PCYT1B: variants seen among roughly 807,000 people sequenced by gnomAD.
PCYT1B encodes the protein phosphate cytidylyltransferase 1B, choline, also known as choline-phosphate cytidylyltransferase B.
In PCYT1B, 10 loss-of-function variants were observed where a neutral mutation model predicts 26.4. The ratio of observed to expected loss-of-function variants is 0.38; its 90% CI spans 0.23 to 0.64. PCYT1B has a LOEUF of 0.64. PCYT1B is among the 30% of genes least tolerant of loss of function. PCYT1B has a pLI of 0.56. For synonymous variants in PCYT1B, 131 were observed against 108.4 expected (o/e 1.21, Z -1.29); for missense variants, 161 against 292.7 (o/e 0.55, Z 3.28).
intron 1 of PCYT1B, among the ~76,000 whole-genome samples, chrX:24,658,812 A>G: frequency 8.9e-6 from 1 of 112,139 alleles, no homozygotes; most frequent in Non-Finnish European, 1.9e-5. Context: ...CAATGTAGAC[A>G]TCTTTGGGAG....
At chrX:24,581,123 C>T (rs1446597347) in intron 5 of PCYT1B, among the ~76,000 whole-genome samples, 2 of 112,128 alleles carry the variant, frequency 1.8e-5, no homozygotes, top group Non-Finnish European at 3.8e-5. Context: ...TCTGCCTCAA[C>T]CCAGAGAGCA....
At chrX:24,671,720 A>G (rs1305927335) in intron 1 of PCYT1B, among the ~76,000 whole-genome samples, 1 of 111,191 alleles carries the variant, frequency 9.0e-6, no homozygotes, top group Non-Finnish European at 1.9e-5. Flanking sequence ...CGTTGTTGGG[A>G]AGCTGCCTCT....
At chrX:24,599,117 C>G (rs985305251) in intron 3 of PCYT1B, among the ~76,000 whole-genome samples, 3 of 111,266 alleles carry the variant, frequency 2.7e-5, no homozygotes, top group Non-Finnish European at 5.7e-5. Context: ...TTTAATAACT[C>G]TTGATATAGC....
rs1229407059 is a variant in PCYT1B, at chrX:24,579,213, G to A, written c.708+103C>T. On this transcript the variant is annotated intron_variant, in intron 6 of 7. Coordinates refer to ENST00000379144, the MANE Select transcript of PCYT1B (RefSeq NM_004845.5). Reference sequence around the variant, plus strand: ...AAAAAAAAAAAAAGAGAGAGAGAGAGGGAGAACACTGCATAGCACTTAGTA... The same window carrying A: ...AAAAAAAAAAAAAGAGAGAGAGAGAAGGAGAACACTGCATAGCACTTAGTA... 5 of 728,443 alleles carry A rather than the reference G, an allele frequency of 6.9e-6. No homozygotes were observed. The Admixed American group carries it at 1.5e-4, about 22-fold the overall frequency. The allele number at this position is 728,443 out of a possible 1,213,427, so 60.0% of individuals were successfully genotyped here. A position where few individuals can be genotyped will look rare whatever the true frequency, so the allele number is the denominator to read the frequency against.
At chrX:24,670,117 G>GAAAGAAAGAAAGAAAGAAAGA (rs1569261924) in intron 1 of PCYT1B, among the ~76,000 whole-genome samples, 1 of 74,697 alleles carries the variant, frequency 1.3e-5, no homozygotes, top group African/African-American at 4.7e-5. Flanking sequence ...AGAAAGAAAG[G>GAAAGAAAGAAAGAAAGAAAGA]AAGGAAGGAA....
intron 1 of PCYT1B, among the ~76,000 whole-genome samples, chrX:24,642,641 C>T (rs1926501713): frequency 8.9e-6 from 1 of 111,976 alleles, no homozygotes; most frequent in Middle Eastern, 4.6e-3. Context: ...TGGATAGAGA[C>T]CAGCAGGAAG....
intron 1 of PCYT1B, among the ~76,000 whole-genome samples, chrX:24,644,979 G>A (rs1208639120): frequency 5.4e-5 from 6 of 110,110 alleles, no homozygotes; most frequent in Non-Finnish European, 9.5e-5. Flanking sequence ...CAGGAGAATC[G>A]CTTGAACCTG....
chrX:24,586,298 C>A (rs773320795), intron 5 of PCYT1B, among the ~76,000 whole-genome samples: 35 of 112,754 alleles, frequency 3.1e-4, no homozygotes, highest in Non-Finnish European at 3.9e-4. Flanking sequence ...AGTTCTCCAT[C>A]ATGGGGAATG....
intron 3 of PCYT1B, among the ~76,000 whole-genome samples, chrX:24,591,098 ATC>A (rs757756916): frequency 6.6e-4 from 74 of 111,439 alleles, no homozygotes; most frequent in East Asian, 2.6e-3. Context: ...CGGCCTCCAC[ATC>A]TCTTATATTT....
At chrX:24,591,014 C>T (rs370646749) in intron 3 of PCYT1B, among the ~76,000 whole-genome samples, 15 of 109,679 alleles carry the variant, frequency 1.4e-4, no homozygotes, top group African/African-American at 4.6e-4. Context: ...AGTATGGTCT[C>T]GATCTCCTGA....
At chrX:24,565,418 T>C (rs761913639) in intron 7 of PCYT1B, among the ~76,000 whole-genome samples, 1 of 110,946 alleles carries the variant, frequency 9.0e-6, no homozygotes, top group South Asian at 3.9e-4. Flanking sequence ...GAAGAGGTGG[T>C]CATGTCTCAG....
chrX:24,654,617 G>A (rs1416546634), intron 1 of PCYT1B, among the ~76,000 whole-genome samples: 1 of 105,226 alleles, frequency 9.5e-6, no homozygotes, highest in African/African-American at 3.4e-5. Flanking sequence ...GCCAGGCATG[G>A]TAGCATGTAC....
At chrX:24,579,272 G>T in intron 6 of PCYT1B, 44 bp downstream of exon 6, 1 of 1,177,446 alleles carries the variant, frequency 8.5e-7, no homozygotes, top group Non-Finnish European at 1.2e-6. Context: ...GGTGGTGGTG[G>T]TGTGGCATGG....
intron 1 of PCYT1B, among the ~76,000 whole-genome samples, chrX:24,633,052 A>C (rs939230168): frequency 9.2e-6 from 1 of 108,390 alleles, no homozygotes; most frequent in African/African-American, 3.4e-5. Context: ...TCTACTAAAA[A>C]TACAAAAATG....
chrX:24,651,472 A>AAAAATATAT (rs1555965467), upstream of PCYT1B, among the ~76,000 whole-genome samples: 2 of 26,059 alleles, frequency 7.7e-5, no homozygotes, highest in Non-Finnish European at 1.2e-4. Context: ...AAAAAAAAAA[A>AAAAATATAT]ATATATATAT....
chrX:24,609,502 G>A (rs1330740965), intron 2 of PCYT1B, among the ~76,000 whole-genome samples: 1 of 112,250 alleles, frequency 8.9e-6, no homozygotes, highest in Non-Finnish European at 1.9e-5. Flanking sequence ...GTTAAATATG[G>A]TGAACTGAAC....
At chrX:24,649,751 T>C (rs1479872461), upstream of PCYT1B, among the ~76,000 whole-genome samples, 2 of 111,939 alleles carry the variant, frequency 1.8e-5, no homozygotes, top group Non-Finnish European at 1.9e-5. Flanking sequence ...CCCTGTCCCA[T>C]TGAACCAAGA....
At chrX:24,585,335 C>T (rs960199588) in intron 5 of PCYT1B, among the ~76,000 whole-genome samples, 2 of 111,838 alleles carry the variant, frequency 1.8e-5, no homozygotes, top group South Asian at 7.6e-4. Context: ...TCAGACAGGG[C>T]CTGACATGGC....
At chrX:24,612,986 C>T (rs1166139932) in intron 2 of PCYT1B, among the ~76,000 whole-genome samples, 1 of 112,157 alleles carries the variant, frequency 8.9e-6, no homozygotes, top group Non-Finnish European at 1.9e-5. Flanking sequence ...ACATGTATTT[C>T]ACTTAATCTT....
Sources: allele counts gnomAD v4.1 joint callset (sites outside exome capture counted in the v4.1 genomes callset), GRCh38; gene constraint gnomAD v4.1.1; transcripts MANE v1.5; gene names NCBI Gene and HGNC (gene_info 2026-07-23, HGNC 2026-07-21).